The following IQGAP2 variants were observed in gnomAD, a reference collection of about 807,000 sequenced individuals.
IQGAP2 encodes IQ motif containing GTPase activating protein 2.
IQGAP2 carries 173 observed loss-of-function variants against 201.3 expected under a neutral mutation model. The observed-to-expected ratio is 0.86, with a 90% confidence interval of 0.76 to 0.98. The LOEUF (loss-of-function observed/expected upper bound fraction) is 0.98, where lower values mean the gene tolerates loss of function less well. IQGAP2 is among the 50% of genes least tolerant of loss of function. The pLI, the probability that IQGAP2 is intolerant of heterozygous loss-of-function variation, is 0.00. For synonymous variants in IQGAP2, 675 were observed against 673.9 expected (o/e 1.00, Z -0.03); for missense variants, 1,687 against 1,864.8 (o/e 0.90, Z 1.76).
At chr5:76,664,332 GGTTAA>G in intron 21 of IQGAP2, among the ~76,000 whole-genome samples, 1 of 152,146 alleles carries the variant, frequency 6.6e-6, no homozygotes, top group East Asian at 1.9e-4. Context: ...CACATTTATT[GGTTAA>G]GTTCTATGGG....
intron 13 of IQGAP2, among the ~76,000 whole-genome samples, chr5:76,612,575 G>A (rs181305694): frequency 6.6e-6 from 1 of 152,154 alleles, no homozygotes; most frequent in Non-Finnish European, 1.5e-5. Flanking sequence ...TGCAGCTCAG[G>A]TCTGTCTGAT....
chr5:76,451,174 C>T (rs1456702970), intron 1 of IQGAP2, among the ~76,000 whole-genome samples: 3 of 152,118 alleles, frequency 2.0e-5, no homozygotes, highest in Non-Finnish European at 4.4e-5. Flanking sequence ...CTTTCTGGTG[C>T]CAAGCCATGG....
At chr5:76,450,022 T>A (rs1348043507) in intron 1 of IQGAP2, among the ~76,000 whole-genome samples, 1 of 152,252 alleles carries the variant, frequency 6.6e-6, no homozygotes, top group Non-Finnish European at 1.5e-5. Flanking sequence ...TGTATGTTTA[T>A]AAGAACATCC....
At position 76,689,242 on chromosome 5, in the gene IQGAP2, A is replaced by AC. The variant is rs1421512742; in HGVS notation, c.3906-4113_3906-4112insC. ...GCACAGGGATATTTAAAAAAAAAAA[A>AC]AAAAAAAAAAAAAACCTGGTCGAGG... On this transcript the variant is annotated intron_variant, in intron 30 of 35. Transcript: ENST00000274364. Among the ~76,000 whole-genome samples the AC allele has an allele frequency of 4.8e-4, 72 of 149,278 alleles. 3 individuals are homozygous for AC. The highest frequency in any genetic ancestry group is 6.0e-4 in the Non-Finnish European group (40 of 67,106).
intron 5 of IQGAP2, among the ~76,000 whole-genome samples, chr5:76,577,423 A>G (rs1450030766): frequency 6.6e-6 from 1 of 152,220 alleles, no homozygotes; most frequent in Non-Finnish European, 1.5e-5. Flanking sequence ...GTTATTCATC[A>G]TAGACATCTC....
At chr5:76,556,117 C>T (rs1743927358) in intron 2 of IQGAP2, among the ~76,000 whole-genome samples, 1 of 152,152 alleles carries the variant, frequency 6.6e-6, no homozygotes, top group Non-Finnish European at 1.5e-5. Context: ...AGGAGGGGGT[C>T]TCCCAGCAGA....
chr5:76,516,070 T>G (rs1169614864), intron 2 of IQGAP2, among the ~76,000 whole-genome samples: 1 of 151,938 alleles, frequency 6.6e-6, no homozygotes, highest in Non-Finnish European at 1.5e-5. Context: ...GAGACGGGGT[T>G]TTGCCATGTT....
chr5:76,586,648 G>A (rs1182394369), intron 5 of IQGAP2, among the ~76,000 whole-genome samples: 2 of 152,136 alleles, frequency 1.3e-5, no homozygotes, highest in African/African-American at 2.4e-5. Flanking sequence ...AGATGTATTC[G>A]TGGTCTAGTG....
intron 14 of IQGAP2, 119 bp from the exon 15 acceptor site, chr5:76,631,740 C>T: frequency 1.5e-6 from 1 of 683,856 alleles, no homozygotes; most frequent in South Asian, 2.8e-5. Flanking sequence ...GGTAAATATT[C>T]TCAAAGGGTA....
intron 1 of IQGAP2, among the ~76,000 whole-genome samples, chr5:76,436,375 ATTTT>A (rs1752647633): frequency 6.8e-6 from 1 of 147,196 alleles, no homozygotes; most frequent in Non-Finnish European, 1.5e-5. Flanking sequence ...GACTTTTATT[ATTTT>A]GAGATATATC....
rs529292832 is a variant in IQGAP2 at position 76,457,112 on chromosome 5, G to A, written c.47-4458G>A. Among the ~76,000 whole-genome samples the A allele has an allele frequency of 1.2e-4, 19 of 152,074 alleles. No individual in the cohort carries two copies. In the East Asian group the frequency reaches 2.5e-3, roughly 20 times the overall value. On this transcript the variant is annotated intron_variant, in intron 1 of 35. Coordinates refer to ENST00000274364, the MANE Select transcript of IQGAP2 (RefSeq NM_006633.5). ...TCAAGTAATCCTGCCTCAGCCTTCC[G>A]AGTAGCTGAGACTATAGGCTTGCAC...
chr5:76,696,671 C>T (rs977873041), intron 32 of IQGAP2, among the ~76,000 whole-genome samples: 2 of 152,088 alleles, frequency 1.3e-5, no homozygotes, highest in African/African-American at 4.8e-5. Flanking sequence ...TGGCAGTAGG[C>T]TTATTCCTTC....
At chr5:76,701,394 A>G (rs553284045) in intron 34 of IQGAP2, among the ~76,000 whole-genome samples, 181 bp downstream of exon 34, 2 of 152,314 alleles carry the variant, frequency 1.3e-5, no homozygotes, top group South Asian at 4.1e-4. Flanking sequence ...TGTCAGTCAT[A>G]TGTAGTGTTG....
chr5:76,484,834 T>C (rs898249766), intron 2 of IQGAP2, among the ~76,000 whole-genome samples: 1 of 151,124 alleles, frequency 6.6e-6, no homozygotes, highest in Non-Finnish European at 1.5e-5. Context: ...TTGTTATTGT[T>C]GTTATTGTTG....
At chr5:76,509,490 G>A (rs757560720) in intron 2 of IQGAP2, among the ~76,000 whole-genome samples, 2 of 151,440 alleles carry the variant, frequency 1.3e-5, no homozygotes, top group East Asian at 3.9e-4. Flanking sequence ...TCCGCCTCCC[G>A]GTTTCACGCC....
intron 2 of IQGAP2, among the ~76,000 whole-genome samples, chr5:76,509,345 T>C (rs924046896): frequency 6.6e-6 from 1 of 151,880 alleles, no homozygotes; most frequent in Non-Finnish European, 1.5e-5. Flanking sequence ...TTGTACCTTA[T>C]AAACTCTCTC....
chr5:76,560,311 C>G lies in IQGAP2; in HGVS notation c.147-2085C>G, dbSNP rs143341070. ...GGGACCACAGGTGCAAACCACCATG[C>G]CTGGCTCTTTTTTTTTTTTTTTTTT... On this transcript the variant is annotated intron_variant, in intron 2 of 35. Coordinates refer to ENST00000274364, the MANE Select transcript of IQGAP2 (RefSeq NM_006633.5). Among the ~76,000 whole-genome samples the G allele has an allele frequency of 4.7e-3, 691 of 145,658 alleles. 2 individuals are homozygous for G. Among genetic ancestry groups the G allele is most frequent in the African/African-American group, 0.016 (601 of 38,402 alleles).
intron 5 of IQGAP2, among the ~76,000 whole-genome samples, chr5:76,581,168 G>A (rs904461659): frequency 6.6e-6 from 1 of 152,220 alleles, no homozygotes; most frequent in Non-Finnish European, 1.5e-5. Flanking sequence ...CTCCCACACA[G>A]CCAGGTGGCT....
intron 18 of IQGAP2, 86 bp downstream of exon 18, chr5:76,652,919 G>T: frequency 1.1e-6 from 1 of 896,094 alleles, no homozygotes; most frequent in South Asian, 1.4e-5. Context: ...GCTATAGAAA[G>T]GGAGGGTACA....
Sources: allele counts gnomAD v4.1 joint callset (sites outside exome capture counted in the v4.1 genomes callset), GRCh38; gene constraint gnomAD v4.1.1; transcripts MANE v1.5; gene names NCBI Gene and HGNC (gene_info 2026-07-23, HGNC 2026-07-21).